Variants in LCMT2 observed in about 807,000 individuals in gnomAD.
The protein encoded by LCMT2 is leucine carboxyl methyltransferase 2, also known as tRNA wybutosine-synthesizing protein 4.
A neutral mutation model predicts 42.0 loss-of-function variants in LCMT2; 34 were observed. The observed-to-expected ratio is 0.81, with a 90% CI of 0.62 to 1.08. LCMT2 has a LOEUF of 1.08. LCMT2 is among the 50% of genes least tolerant of loss of function. The pLI, the probability that LCMT2 is intolerant of heterozygous loss-of-function variation, is 0.00. For synonymous variants in LCMT2, 445 were observed against 369.5 expected (o/e 1.20, Z -2.34); for missense variants, 1,091 against 889.4 (o/e 1.23, Z -2.88).
In LCMT2 at chr15:43,328,216, C is replaced by G. The variant is rs570353106; in HGVS notation, c.*213G>C. 2 of 561,392 alleles carry G rather than the reference C, an allele frequency of 3.6e-6. No individual in the cohort carries two copies. Among genetic ancestry groups the G allele is most frequent in the African/African-American group, 3.7e-5 (2 of 53,482 alleles). 34.8% of individuals were successfully genotyped at this position (561,392 alleles called of 1,614,324 possible). On this transcript the variant is annotated 3_prime_UTR_variant, in exon 1 of 1. Transcript: ENST00000305641. Reference sequence around the variant, plus strand: ...GAGGCAGACCACTACTCCTCTCGGACTGCATGGCCACTGTCTTCAGCTGTT... The same window carrying G: ...GAGGCAGACCACTACTCCTCTCGGAGTGCATGGCCACTGTCTTCAGCTGTT...
At position 43,330,490 on chromosome 15, in the gene LCMT2, G is replaced by C. The variant is rs1458326272; in HGVS notation, c.-1C>G. 6.6e-7 allele frequency: 1 copy of C among 1,517,484 alleles called. No homozygotes were observed. Among genetic ancestry groups the C allele is most frequent in the Non-Finnish European group, 8.8e-7 (1 of 1,137,226 alleles). 94.0% of individuals were successfully genotyped at this position (1,517,484 alleles called of 1,614,324 possible). A position where few individuals can be genotyped will look rare whatever the true frequency, so the allele number is the denominator to read the frequency against. Reference sequence around the variant, plus strand: ...GACGCTCACGGCTCCGGGGGCCCATGGCCAGAAGAGACTCAGGAATGGCAG... The same window carrying C: ...GACGCTCACGGCTCCGGGGGCCCATCGCCAGAAGAGACTCAGGAATGGCAG... On this transcript the variant is annotated 5_prime_UTR_variant, in exon 1 of 1. Coordinates refer to ENST00000305641, the MANE Select transcript of LCMT2 (RefSeq NM_014793.5).
chr15:43,326,571 A>C lies in LCMT2; in HGVS notation c.*1858T>G, dbSNP rs952159331. ...CCAGAGTATCCAAGACTACAAGCACACACCACCGTGCCTACTTATTTTTTT... is the reference window on the plus strand; with the variant it reads ...CCAGAGTATCCAAGACTACAAGCACCCACCACCGTGCCTACTTATTTTTTT... On this transcript the variant is annotated 3_prime_UTR_variant, in exon 1 of 1. Coordinates refer to ENST00000305641, the MANE Select transcript of LCMT2 (RefSeq NM_014793.5). 2 of 151,994 alleles carry C rather than the reference A, an allele frequency of 1.3e-5. No homozygotes were observed. The highest frequency in any genetic ancestry group is 4.8e-5 in the African/African-American group (2 of 41,376). 9.4% of individuals were successfully genotyped at this position (151,994 alleles called of 1,614,324 possible).
Position 43,329,813 on chromosome 15 carries a change from G to T in LCMT2, c.677C>A (p.Ala226Asp). 1 of 1,613,948 alleles carries T rather than the reference G, an allele frequency of 6.2e-7. No homozygotes were observed. ...ATGTTGCAGCATGAACTGGCCAAAG[G>T]CGTCTTGAGGCCTCATCTGCTCATA... ...VVYEQMRPQDAFGQFMLQHFR... is the reference protein window; with the variant it reads ...VVYEQMRPQDDFGQFMLQHFR... Residue 226 changes from alanine (A) to aspartate (D), a missense_variant, in exon 1 of 1, where the codon GCC (alanine) becomes GAC (aspartate). Transcript: ENST00000305641.
At position 43,328,591 on chromosome 15, in the gene LCMT2, A is replaced by G; in HGVS notation, c.1899T>C (p.Tyr633=). Residue 633 remains tyrosine, a synonymous_variant, in exon 1 of 1, where the codon TAT becomes TAC. Coordinates refer to ENST00000305641, the MANE Select transcript of LCMT2 (RefSeq NM_014793.5). ...LSSEYQIDTT[Y]VPWPLMLHNH... is the part of the protein sequence containing the mutation. ...TGTGTAACATTAATGGCCATGGCAC[A>G]TATGTTGTGTCAATCTGATACTCAG... 3 of 1,614,214 alleles carry G rather than the reference A, an allele frequency of 1.9e-6. No homozygotes were observed. The highest frequency in any genetic ancestry group is 4.5e-5 in the East Asian group (2 of 44,894).
rs199636202 is a variant in LCMT2, at chr15:43,330,272, T to C, written c.218A>G (p.Gln73Arg). The C allele has an allele frequency of 1.3e-6, 2 of 1,598,540 alleles. No homozygotes were observed. The highest frequency in any genetic ancestry group is 1.1e-5 in the South Asian group (1 of 89,818). ...VRHCVRAFLE[Q>R]IGAPQAALRA... ...AAGCGCGGCCTGGGGCGCGCCAATC[T>C]GCTCCAAAAAAGCGCGCACGCAGTG... Residue 73 changes from glutamine to arginine, a missense_variant, in exon 1 of 1, where the codon CAG (glutamine) becomes CGG (arginine). Transcript: ENST00000305641.
Position 43,330,179 on chromosome 15 carries a change from C to G in LCMT2, c.311G>C (p.Arg104Pro). 6.2e-7 allele frequency: 1 copy of G among 1,611,774 alleles called. No homozygotes were observed. The highest frequency in any genetic ancestry group is 8.5e-7 in the Non-Finnish European group (1 of 1,179,898). ...SLYFRLKTAG[R>P]LARAAVWEVD... The stretch of plus-strand genomic sequence containing the variant: ...CTCCCAGACTGCAGCCCGGGCCAGG[C>G]GGCCCGCGGTTTTTAAGCGAAAATA... Residue 104 changes from arginine to proline, a missense_variant, in exon 1 of 1, where the codon CGC becomes CCC. Coordinates refer to ENST00000305641, the MANE Select transcript of LCMT2 (RefSeq NM_014793.5).
In LCMT2 at chr15:43,330,352, C is replaced by A. The variant is rs1198024578; in HGVS notation, c.138G>T (p.Ala46=). The change falls in exon 1 of 1, where the codon GCG becomes GCT. Residue 46 remains alanine (A), a synonymous_variant. Transcript: ENST00000305641. The part of the protein sequence containing the change: ...PFAALLVPGA[A]RRAPLIHRGY... ...CTCGGTGAATGAGCGGTGCGCGGCG[C>A]GCCGCGCCCGGAACCAGCAACGCGG... 6.2e-7 allele frequency: 1 copy of A among 1,603,628 alleles called. No individual in the cohort carries two copies. Among genetic ancestry groups the A allele is most frequent in the Admixed American group, 1.7e-5 (1 of 58,340 alleles).
rs764276928 is a variant in LCMT2 at position 43,329,371 on chromosome 15, T to C, written c.1119A>G (p.Ala373=). The change falls in exon 1 of 1, where the codon GCA becomes GCG. Residue 373 remains alanine (A), a synonymous_variant. Coordinates refer to ENST00000305641, the MANE Select transcript of LCMT2 (RefSeq NM_014793.5). ...VFLSPDVILS[A]GGFGEQEGRH... ...GCCCCTCCTGCTCTCCAAATCCTCC[T>C]GCACTGAGAATAACGTCTGGGCTCA... The C allele has an allele frequency of 5.4e-5, 87 of 1,613,924 alleles. 1 individual carries two copies. In the Admixed American group the frequency reaches 1.5e-3, roughly 27 times the overall value.
Position 43,330,517 on chromosome 15 carries a change from C to G in LCMT2, c.-28G>C, listed in dbSNP as rs1232998514. On this transcript the variant is annotated 5_prime_UTR_variant, in exon 1 of 1. Transcript: ENST00000305641. ...CCAGAAGAGACTCAGGAATGGCAGT[C>G]TGTCACGGTTGTGAGCCGCCCCTTG... The G allele has an allele frequency of 2.6e-6, 4 of 1,510,948 alleles. No homozygotes were observed. Among genetic ancestry groups the G allele is most frequent in the Non-Finnish European group, 3.5e-6 (4 of 1,133,818 alleles). 93.6% of individuals were successfully genotyped at this position (1,510,948 alleles called of 1,614,324 possible).
In LCMT2 at chr15:43,328,600, G is replaced by A. The variant is rs757897773; in HGVS notation, c.1890C>T (p.Asp630=). 3.1e-6 allele frequency: 5 copies of A among 1,614,190 alleles called. No individual in the cohort carries two copies. The highest frequency in any genetic ancestry group is 3.4e-6 in the Non-Finnish European group (4 of 1,180,020). The change falls in exon 1 of 1, where the codon GAC becomes GAT. Residue 630 remains aspartate (D), a synonymous_variant. Coordinates refer to ENST00000305641, the MANE Select transcript of LCMT2 (RefSeq NM_014793.5). The part of the protein sequence containing the change: ...TTGLSSEYQI[D]TTYVPWPLML... ...TTAATGGCCATGGCACATATGTTGT[G>A]TCAATCTGATACTCAGAGCTCAATC...
rs1180751250 is a variant in LCMT2, at chr15:43,328,777, T to G, written c.1713A>C (p.Gly571=). 6.2e-7 allele frequency: 1 copy of G among 1,613,370 alleles called. No individual in the cohort carries two copies. The highest frequency in any genetic ancestry group is 1.3e-5 in the African/African-American group (1 of 74,888). The change falls in exon 1 of 1, where the codon GGA becomes GGC. Residue 571 remains glycine, a synonymous_variant. Coordinates refer to ENST00000305641, the MANE Select transcript of LCMT2 (RefSeq NM_014793.5). ...GGATGTCTACTGACTCCCAGAGGAA[T>G]CCACAAGAGATTGGTCTCAGAAAGA... ...SVLFLRPISC[G]FLWESVDIQP...
Position 43,328,304 on chromosome 15 carries a change from G to T in LCMT2, c.*125C>A, listed in dbSNP as rs747542020. 66 of 1,070,960 alleles carry T rather than the reference G, an allele frequency of 6.2e-5. No individual in the cohort carries two copies. The highest frequency in any genetic ancestry group is 2.6e-4 in the Admixed American group (11 of 42,292). 66.3% of individuals were successfully genotyped at this position (1,070,960 alleles called of 1,614,324 possible). On this transcript the variant is annotated 3_prime_UTR_variant, in exon 1 of 1. Transcript: ENST00000305641. ...ACCAACCTTTTTCACTTTTTGCACT[G>T]AATAGTGCTAAGGGAAAAAAAGGAT... is the stretch of plus-strand genomic sequence containing the variant.
rs766977708 is a variant in LCMT2, at chr15:43,329,669, A to C, written c.821T>G (p.Phe274Cys). ...TTCTGCGGGAAGAAAGCAGTGATAG[A>C]ATTCATTCATGTCCACGGCACCGCA... is the stretch of plus-strand genomic sequence containing the variant. ...TACGAVDMNE[F>C]YHCFLPAEER... The change falls in exon 1 of 1, where the codon TTC becomes TGC. Residue 274 changes from phenylalanine to cysteine, a missense_variant. Transcript: ENST00000305641. 4.3e-6 allele frequency: 7 copies of C among 1,613,784 alleles called. No individual in the cohort carries two copies. The highest frequency in any genetic ancestry group is 5.9e-6 in the Non-Finnish European group (7 of 1,180,004).
rs759526586 is a variant in LCMT2 at position 43,328,446 on chromosome 15, A to C, written c.2044T>G (p.Leu682Val). The stretch of plus-strand genomic sequence containing the variant: ...TCCAGTCCTTACTGCCCAGCACTTA[A>C]GGAAGAAAGGTCTAATGTGACTGTA... The part of the protein sequence containing the change: ...PHTVTLDLSS[L>V]SAGQ Residue 682 changes from leucine to valine, a missense_variant, in exon 1 of 1, where the codon TTA (leucine) becomes GTA (valine). Coordinates refer to ENST00000305641, the MANE Select transcript of LCMT2 (RefSeq NM_014793.5). The C allele has an allele frequency of 1.6e-5, 26 of 1,613,664 alleles. No individual in the cohort carries two copies. Among genetic ancestry groups the C allele is most frequent in the Non-Finnish European group, 2.1e-5 (25 of 1,179,854 alleles).
rs1325728755 is a variant in LCMT2, at chr15:43,325,107, T to C, written c.*3322A>G. 6.6e-6 allele frequency: 1 copy of C among 152,250 alleles called. No individual in the cohort carries two copies. Among genetic ancestry groups the C allele is most frequent in the Admixed American group, 6.5e-5 (1 of 15,290 alleles). 9.4% of individuals were successfully genotyped at this position (152,250 alleles called of 1,614,324 possible). On this transcript the variant is annotated 3_prime_UTR_variant, in exon 1 of 1. Transcript: ENST00000305641. Reference sequence around the variant, plus strand: ...TCCAACAGTTGTTCTTAACCTGTTTTCATCTTCACTATTATGATACACTAT... The same window carrying C: ...TCCAACAGTTGTTCTTAACCTGTTTCCATCTTCACTATTATGATACACTAT...
rs917360616 is a variant in LCMT2 at position 43,329,300 on chromosome 15, T to C, written c.1190A>G (p.Asp397Gly). 1.9e-6 allele frequency: 3 copies of C among 1,613,752 alleles called. No homozygotes were observed. The African/African-American group carries it at 4.0e-5, about 22-fold the overall frequency. ...TATTTGGCTGCCTTTCCATTCAGAG[T>C]CACAATCTCTTGAGAGCAAGTGAAA... ...SQFHLLSRDC[D>G]SEWKGSQIGS... Residue 397 changes from aspartate to glycine, a missense_variant, in exon 1 of 1, where the codon GAC becomes GGC. Coordinates refer to ENST00000305641, the MANE Select transcript of LCMT2 (RefSeq NM_014793.5).
In LCMT2 at chr15:43,329,895, C is replaced by A; in HGVS notation, c.595G>T (p.Ala199Ser). 6.2e-7 allele frequency: 1 copy of A among 1,613,236 alleles called. No homozygotes were observed. Among genetic ancestry groups the A allele is most frequent in the Non-Finnish European group, 8.5e-7 (1 of 1,179,868 alleles). ...GCTGCCCAGGCGATGAGGGCCGCGG[C>A]ACTCTCCGGCTCGAGGTAGGTCAGC... ...AVLTYLEPES[A>S]AALIAWAAQR... The change falls in exon 1 of 1, where the codon GCC (alanine) becomes TCC (serine). Residue 199 changes from alanine (A) to serine (S), a missense_variant. Physicochemically the swap from Ala to Ser is moderately conservative, Grantham distance 99. Transcript: ENST00000305641.
chr15:43,330,171 G>A lies in LCMT2; in HGVS notation c.319C>T (p.Arg107Trp), dbSNP rs778338706. 1.2e-6 allele frequency: 2 copies of A among 1,611,542 alleles called. No homozygotes were observed. Among genetic ancestry groups the A allele is most frequent in the Non-Finnish European group, 1.7e-6 (2 of 1,179,858 alleles). The stretch of plus-strand genomic sequence containing the variant: ...AAATCCACCTCCCAGACTGCAGCCC[G>A]GGCCAGGCGGCCCGCGGTTTTTAAG... ...FRLKTAGRLA[R>W]AAVWEVDFPD... is the part of the protein sequence containing the mutation. Residue 107 changes from arginine (R) to tryptophan (W), a missense_variant, in exon 1 of 1, where the codon CGG becomes TGG. Transcript: ENST00000305641.
rs756561484 is a variant in LCMT2 at position 43,329,720 on chromosome 15, C to A, written c.770G>T (p.Arg257Leu). The change falls in exon 1 of 1, where the codon CGC (arginine) becomes CTC (leucine). Residue 257 changes from arginine to leucine, a missense_variant. Physicochemically the swap from Arg to Leu is moderately radical, Grantham distance 102 (BLOSUM62 -2). Transcript: ENST00000305641. ...GGCGGTCCAGCCAGCTTGAAGGAAG[C>A]GGCGCCGCTGCGCCTCCACGTCAGG... ...RFPDVEAQRR[R>L]FLQAGWTACG... 6.2e-7 allele frequency: 1 copy of A among 1,613,280 alleles called. No homozygotes were observed. Among genetic ancestry groups the A allele is most frequent in the Non-Finnish European group, 8.5e-7 (1 of 1,179,784 alleles).
Sources: allele counts gnomAD v4.1 joint callset, GRCh38; gene constraint gnomAD v4.1.1; transcripts MANE v1.5; gene names NCBI Gene and HGNC (gene_info 2026-07-23, HGNC 2026-07-21).